SGK1: variants seen among roughly 807,000 people sequenced by gnomAD.
SGK1 encodes the protein serum/glucocorticoid regulated kinase 1.
Under a neutral mutation model 64.2 loss-of-function variants are expected in SGK1, and 26 were observed. That is an observed-to-expected ratio of 0.40 (90% CI 0.30 to 0.56). SGK1 has a LOEUF of 0.56. Among genes scored for constraint, SGK1 ranks in the 20% least tolerant of loss-of-function variants. The pLI is 0.38. For missense variants in SGK1, 519 were observed against 645.6 expected, an observed-to-expected ratio of 0.80 and a Z score of 2.12; for synonymous variants, 265 against 239.7, an observed-to-expected ratio of 1.11 and a Z score of -0.98.
intron 5 of SGK1, 34 bp downstream of exon 5, chr6:134,173,971 T>A (rs772698835): frequency 6.8e-7 from 1 of 1,472,032 alleles, no homozygotes; most frequent in South Asian, 1.2e-5. Context: ...CCCTTACAGT[T>A]CTCCACAGAT....
chr6:134,191,672 TG>T (rs1775511534), intron 3 of SGK1, among the ~76,000 whole-genome samples: 1 of 151,054 alleles, frequency 6.6e-6, no homozygotes, highest in African/African-American at 2.4e-5. Context: ...TTTTTGTTTT[TG>T]TTTTTTTTTT....
In SGK1 at chr6:134,170,264, G is replaced by C. The variant is rs926570043; in HGVS notation, c.*4C>G. On this transcript the variant is annotated 3_prime_UTR_variant, in exon 14 of 14. Transcript: ENST00000367858. ...AATCCTTTAAAACCAAGCCCTAACA[G>C]GGTTCAGAGGAAAGAGTCCGTGGGA... is the stretch of plus-strand genomic sequence containing the variant. The C allele has an allele frequency of 1.2e-6, 2 of 1,605,550 alleles. No individual in the cohort carries two copies.
intron 1 of SGK1, among the ~76,000 whole-genome samples, chr6:134,300,393 G>A (rs1777430816): frequency 6.6e-6 from 1 of 151,674 alleles, no homozygotes; most frequent in Admixed American, 6.6e-5. Flanking sequence ...AAAAAAATTA[G>A]CCAGGCGTGT....
chr6:134,268,166 G>T (rs1468581940), intron 1 of SGK1, among the ~76,000 whole-genome samples: 1 of 152,154 alleles, frequency 6.6e-6, no homozygotes, highest in African/African-American at 2.4e-5. Context: ...CTGGCCCATT[G>T]TGTTTCCTCA....
intron 1 of SGK1, among the ~76,000 whole-genome samples, chr6:134,275,892 C>T (rs1281817635): frequency 6.6e-6 from 1 of 152,182 alleles, no homozygotes; most frequent in Non-Finnish European, 1.5e-5. Flanking sequence ...TGGCTTCTTA[C>T]CCATTCTTTC....
chr6:134,260,686 A>C (rs1215081581), intron 2 of SGK1: 2 of 151,352 alleles, frequency 1.3e-5, no homozygotes, highest in Admixed American at 1.3e-4. Flanking sequence ...AAAAAAAGAA[A>C]GAAAGAAAGT....
chr6:134,237,859 C>T (rs866885272), intron 2 of SGK1, among the ~76,000 whole-genome samples: 1 of 152,066 alleles, frequency 6.6e-6, no homozygotes, highest in East Asian at 1.9e-4. Flanking sequence ...CTGAAGAGAA[C>T]AAGTAAGTTA....
At chr6:134,203,505 TA>T (rs966311710) in intron 3 of SGK1, among the ~76,000 whole-genome samples, 1 of 151,550 alleles carries the variant, frequency 6.6e-6, no homozygotes, top group African/African-American at 2.4e-5. Context: ...ACATCACAAG[TA>T]AAAAAAACAG....
intron 2 of SGK1, among the ~76,000 whole-genome samples, chr6:134,236,519 T>A (rs761917927): frequency 7.4e-4 from 112 of 152,186 alleles, no homozygotes; most frequent in Non-Finnish European, 6.0e-4. Context: ...CCCAGCTACT[T>A]GGGAGGCTGA....
intron 1 of SGK1, among the ~76,000 whole-genome samples, chr6:134,300,537 C>T (rs1411345425): frequency 1.2e-5 from 1 of 86,308 alleles, no homozygotes; most frequent in African/African-American, 4.6e-5. Context: ...GACTCTGTCT[C>T]AAAAAAAAAA....
intron 1 of SGK1, among the ~76,000 whole-genome samples, chr6:134,267,657 G>GA (rs1776874230): frequency 6.6e-6 from 1 of 152,064 alleles, no homozygotes; most frequent in Non-Finnish European, 1.5e-5. Flanking sequence ...AAGTAAGAAG[G>GA]AAAATAAAGC....
intron 1 of SGK1, among the ~76,000 whole-genome samples, chr6:134,273,785 G>C (rs1776978373): frequency 6.6e-6 from 1 of 151,746 alleles, no homozygotes; most frequent in Admixed American, 6.6e-5. Flanking sequence ...TTTAGGTCAT[G>C]GGGCAATGAG....
intron 3 of SGK1, among the ~76,000 whole-genome samples, chr6:134,203,470 A>C (rs932623170): frequency 2.6e-5 from 4 of 152,226 alleles, no homozygotes; most frequent in Non-Finnish European, 5.9e-5. Flanking sequence ...TAACTGTGTC[A>C]TTACATTAAG....
chr6:134,202,308 G>C (rs1368049210), intron 3 of SGK1, among the ~76,000 whole-genome samples: 2 of 152,126 alleles, frequency 1.3e-5, no homozygotes, highest in Non-Finnish European at 2.9e-5. Flanking sequence ...GACATATCAT[G>C]TAGATAAAAG....
intron 2 of SGK1, among the ~76,000 whole-genome samples, chr6:134,247,537 G>A (rs1776542421): frequency 1.3e-5 from 2 of 152,182 alleles, no homozygotes; most frequent in South Asian, 4.1e-4. Context: ...GTCACAAGGA[G>A]GAAATAAACC....
Position 134,271,954 on chromosome 6 carries a change from G to T in SGK1, c.70-9806C>A, listed in dbSNP as rs572827155. On this transcript the variant is annotated intron_variant, in intron 1 of 13. Transcript: ENST00000367858. ...CCTCCCAGGTTCAAGCAATTCTCCT[G>T]CCTCAGCCTCCCGAGTAACTAGGAC... 1.5e-3 allele frequency among the ~76,000 whole-genome samples: 220 copies of T among 147,020 alleles called. 7 individuals carry two copies. Among genetic ancestry groups the T allele is most frequent in the African/African-American group, 5.1e-3 (208 of 40,934 alleles).
chr6:134,172,200 G>A lies in SGK1; in HGVS notation c.1064C>T (p.Thr355Met). 1.9e-6 allele frequency: 3 copies of A among 1,614,002 alleles called. No homozygotes were observed. The highest frequency in any genetic ancestry group is 1.7e-6 in the Non-Finnish European group (2 of 1,179,954). ...HNSTTSTFCG[T>M]PEYLAPEVLH... ...AACCAAGACAGCGCCTACCTCCGGC[G>A]TGCCACAGAAGGTGGATGTTGTGCT... is the stretch of plus-strand genomic sequence containing the variant. Residue 355 changes from threonine to methionine, a missense_variant, in exon 10 of 14, where the codon ACG (threonine) becomes ATG (methionine). Around this residue, in one of 2 missense-constraint regions of SGK1, gnomAD observed 278 missense variants for 408.7 expected, o/e 0.68. Transcript: ENST00000367858.
intron 3 of SGK1, among the ~76,000 whole-genome samples, chr6:134,187,374 G>A (rs530114835): frequency 9.8e-4 from 149 of 152,292 alleles, no homozygotes; most frequent in African/African-American, 3.5e-3. Context: ...AAGCAAAAAT[G>A]TTTCCAATGG....
chr6:134,305,089 C>T lies in SGK1; in HGVS notation c.69+12303G>A, dbSNP rs893439282. Reference sequence around the variant, plus strand: ...GATGATATTTAACCAGGCACGGTTGCTCACACCTGCAATCCCAAAACACTT... The same window carrying T: ...GATGATATTTAACCAGGCACGGTTGTTCACACCTGCAATCCCAAAACACTT... On this transcript the variant is annotated intron_variant, in intron 1 of 13. Coordinates refer to ENST00000367858, the MANE Select transcript of SGK1 (RefSeq NM_001143676.3). Among the ~76,000 whole-genome samples the T allele has an allele frequency of 8.5e-5, 13 of 152,152 alleles. No individual in the cohort carries two copies. In the East Asian group the frequency reaches 9.6e-4, roughly 11 times the overall value.
Sources: allele counts gnomAD v4.1 joint callset (sites outside exome capture counted in the v4.1 genomes callset), GRCh38; gene constraint gnomAD v4.1.1; regional missense constraint gnomAD v4.1.1; transcripts MANE v1.5; gene names NCBI Gene and HGNC (gene_info 2026-07-23, HGNC 2026-07-21).